Variants in TOP3A observed in about 807,000 individuals in gnomAD.
The protein encoded by TOP3A is DNA topoisomerase III alpha.
TOP3A carries 64 observed loss-of-function variants against 111.3 expected under a neutral mutation model. That is an observed-to-expected ratio of 0.57 (90% confidence interval 0.47 to 0.71). The LOEUF (loss-of-function observed/expected upper bound fraction) is 0.71. TOP3A is among the 30% of genes least tolerant of loss of function. TOP3A has a pLI of 0.00. For missense variants in TOP3A, 1,104 were observed against 1,285.0 expected, an observed-to-expected ratio of 0.86 and a Z score of 2.15; for synonymous variants, 484 against 485.1, an observed-to-expected ratio of 1.00 and a Z score of 0.03.
chr17:18,299,094 C>G (rs973233315), intron 9 of TOP3A, among the ~76,000 whole-genome samples: 1 of 149,924 alleles, frequency 6.7e-6, no homozygotes, highest in Non-Finnish European at 1.5e-5. Flanking sequence ...AAAAAAAGAG[C>G]AAAACTCCAT....
At position 18,273,607 on chromosome 17, in the gene TOP3A, G is replaced by C. The variant is rs1280449954; in HGVS notation, c.*1195C>G. On this transcript the variant is annotated 3_prime_UTR_variant, in exon 19 of 19. Transcript: ENST00000321105. ...AGACCCTCTGCACTCTCGCAGGTCA[G>C]AGTAAAAAAAGGTTGGATTCTTTCA... Among the ~76,000 whole-genome samples the C allele has an allele frequency of 2.0e-5, 3 of 152,156 alleles. No individual in the cohort carries two copies. Among genetic ancestry groups the C allele is most frequent in the African/African-American group, 7.2e-5 (3 of 41,430 alleles).
In TOP3A at chr17:18,278,029, G is replaced by A. The variant is rs762382567; in HGVS notation, c.2473C>T (p.Arg825Cys). 38 of 1,614,050 alleles carry A rather than the reference G, an allele frequency of 2.4e-5. No individual in the cohort carries two copies. The highest frequency in any genetic ancestry group is 1.3e-4 in the East Asian group (6 of 44,896). Residue 825 changes from arginine to cysteine, a missense_variant, in exon 18 of 19, where the codon CGT becomes TGT. Coordinates refer to ENST00000321105, the MANE Select transcript of TOP3A (RefSeq NM_004618.5). Reference protein sequence around the residue: ...CGQEAVLLTVRKEGPNRGRQF... With the variant: ...CGQEAVLLTVCKEGPNRGRQF... ...CGGCCCCGGTTGGGGCCCTCCTTAC[G>A]GACAGTGAGCAGCACAGCCTCCTGG...
chr17:18,284,693 A>G (rs1157344920), intron 15 of TOP3A, among the ~76,000 whole-genome samples: 2 of 152,222 alleles, frequency 1.3e-5, no homozygotes, highest in East Asian at 3.8e-4. Flanking sequence ...CAGAAAACAA[A>G]TGGATCACAC....
At chr17:18,312,800 A>G (rs762378179) in intron 1 of TOP3A, 10 of 196,554 alleles carry the variant, frequency 5.1e-5, no homozygotes, top group Middle Eastern at 2.4e-3. Flanking sequence ...CATCTGATGT[A>G]TGTTCTCCTG....
intron 16 of TOP3A, among the ~76,000 whole-genome samples, chr17:18,282,105 T>C (rs1597958640): frequency 6.6e-6 from 1 of 152,148 alleles, no homozygotes; most frequent in East Asian, 1.9e-4. Context: ...TGAAGCTAAA[T>C]TGCCCACTCA....
intron 15 of TOP3A, 52 bp from the exon 16 acceptor site, chr17:18,282,893 C>T (rs1459772760): frequency 5.6e-6 from 9 of 1,605,222 alleles, no homozygotes; most frequent in Admixed American, 1.7e-5. Flanking sequence ...GCTGCAAAGG[C>T]ACCTACAACA....
At chr17:18,302,830 A>G in intron 5 of TOP3A, 107 bp from the exon 6 acceptor site, 2 of 1,350,902 alleles carry the variant, frequency 1.5e-6, no homozygotes, top group Non-Finnish European at 1.0e-6. Flanking sequence ...AACCAGTTCA[A>G]GAAGCTGTGA....
chr17:18,290,704 T>C lies in TOP3A; in HGVS notation c.1468-18A>G, dbSNP rs201299875. On this transcript the variant is annotated intron_variant, in intron 12 of 18. Coordinates refer to ENST00000321105, the MANE Select transcript of TOP3A (RefSeq NM_004618.5). ...GGGAGGATCTACAGGGAGCGGCAGG[T>C]GCAACAGTCAGATGATTCCATCAGC... The C allele has an allele frequency of 8.1e-5, 125 of 1,551,282 alleles. No individual in the cohort carries two copies. The highest frequency in any genetic ancestry group is 1.1e-4 in the Non-Finnish European group (124 of 1,148,404).
chr17:18,308,886 C>A lies in TOP3A; in HGVS notation c.236G>T (p.Gly79Val), dbSNP rs1382157817. The stretch of plus-strand genomic sequence containing the variant: ...TAGAAATATTTTAGCACCTACCTGG[C>A]CATACAGATGATAATCAAATTCATA... ...KIYEFDYHLY[G>V]QNVTMVMTSV... The change falls in exon 2 of 19, where the codon GGC becomes GTC. Residue 79 changes from glycine to valine, a missense_variant. By Grantham distance (109) the Gly-to-Val change is moderately radical. Coordinates refer to ENST00000321105, the MANE Select transcript of TOP3A (RefSeq NM_004618.5). 1 of 1,569,116 alleles carries A rather than the reference C, an allele frequency of 6.4e-7. No homozygotes were observed. The highest frequency in any genetic ancestry group is 1.8e-5 in the Admixed American group (1 of 55,428).
intron 18 of TOP3A, among the ~76,000 whole-genome samples, chr17:18,277,114 G>C (rs1979421133): frequency 6.6e-6 from 1 of 151,428 alleles, no homozygotes; most frequent in African/African-American, 2.4e-5. Flanking sequence ...AACCTGGGAG[G>C]TGGAAGTTGC....
At chr17:18,277,397 A>T (rs566630418) in intron 18 of TOP3A, among the ~76,000 whole-genome samples, 1 of 152,172 alleles carries the variant, frequency 6.6e-6, no homozygotes, top group South Asian at 2.1e-4. Context: ...TGCTTACCCA[A>T]TGAGGATGGA....
rs1161910274 is a variant in TOP3A at position 18,314,456 on chromosome 17, CA to C, written c.180+142del. On this transcript the variant is annotated intron_variant, in intron 1 of 18. Coordinates refer to ENST00000321105, the MANE Select transcript of TOP3A (RefSeq NM_004618.5). ...TCCAGTCCGAGAGCAGACAGGAGGC[CA>C]CTGCAATAATCCAGACGAGGGGCAG... The C allele has an allele frequency of 3.5e-6, 3 of 851,736 alleles. No homozygotes were observed. The East Asian group carries it at 9.0e-5, about 25-fold the overall frequency. The allele number at this position is 851,736 out of a possible 1,614,324, so 52.8% of individuals were successfully genotyped here. A position where few individuals can be genotyped will look rare whatever the true frequency, so the allele number is the denominator to read the frequency against.
At chr17:18,303,269 G>C (rs1011263606) in intron 5 of TOP3A, among the ~76,000 whole-genome samples, 2 of 152,150 alleles carry the variant, frequency 1.3e-5, no homozygotes, top group African/African-American at 4.8e-5. Context: ...AGGCCGCAGG[G>C]ACCCCTGCCC....
chr17:18,292,916 C>G, intron 10 of TOP3A, 64 bp from the exon 11 acceptor site: 1 of 1,477,666 alleles, frequency 6.8e-7, no homozygotes, highest in Admixed American at 1.9e-5. Context: ...CTATAAACAA[C>G]TGAAAGCACA....
chr17:18,305,504 G>GCGCGCGCGCA (rs1491395465), intron 4 of TOP3A, among the ~76,000 whole-genome samples: 1 of 150,880 alleles, frequency 6.6e-6, no homozygotes, highest in African/African-American at 2.4e-5. Context: ...GCGCGCGCGC[G>GCGCGCGCGCA]CACGCACACT....
Position 18,271,784 on chromosome 17 carries a change from A to G in TOP3A, c.*3018T>C. 2.2e-6 allele frequency: 1 copy of G among 452,266 alleles called. No homozygotes were observed. The highest frequency in any genetic ancestry group is 2.5e-5 in the Admixed American group (1 of 40,578). The allele number at this position is 452,266 out of a possible 1,614,324, so 28.0% of individuals were successfully genotyped here. A position where few individuals can be genotyped will look rare whatever the true frequency, so the allele number is the denominator to read the frequency against. ...CAATTTAAAAATGGGGGAAGAGACCAGGTGTGATGGCTCCTGCCTGTTAAT... is the reference window on the plus strand; with the variant it reads ...CAATTTAAAAATGGGGGAAGAGACCGGGTGTGATGGCTCCTGCCTGTTAAT... On this transcript the variant is annotated 3_prime_UTR_variant, in exon 19 of 19. Transcript: ENST00000321105.
chr17:18,287,915 T>C (rs1980207782), intron 13 of TOP3A, among the ~76,000 whole-genome samples: 1 of 151,586 alleles, frequency 6.6e-6, no homozygotes, highest in Admixed American at 6.6e-5. Context: ...GGAGAATCGC[T>C]TGAACCTGGG....
chr17:18,271,515 G>A lies in TOP3A; in HGVS notation c.*3287C>T, dbSNP rs1567729058. On this transcript the variant is annotated 3_prime_UTR_variant, in exon 19 of 19. Transcript: ENST00000321105. ...AATATGAACAAGGACACCCCATTAC[G>A]GATGAGGCAACTGGGGCTCCAAGGA... 9.5e-6 allele frequency: 2 copies of A among 210,972 alleles called. No individual in the cohort carries two copies. The highest frequency in any genetic ancestry group is 1.0e-4 in the South Asian group (2 of 19,930). 13.1% of individuals were successfully genotyped at this position (210,972 alleles called of 1,614,324 possible).
chr17:18,287,088 A>G (rs932967068), intron 13 of TOP3A, among the ~76,000 whole-genome samples: 1 of 150,606 alleles, frequency 6.6e-6, no homozygotes. Context: ...CTGGCTCTTT[A>G]TAGGAAATAA....
Sources: allele counts gnomAD v4.1 joint callset (sites outside exome capture counted in the v4.1 genomes callset), GRCh38; gene constraint gnomAD v4.1.1; transcripts MANE v1.5; gene names NCBI Gene and HGNC (gene_info 2026-07-23, HGNC 2026-07-21).